Variants in RPA3 observed in about 807,000 individuals in gnomAD.
RPA3 encodes replication protein A3, also known as replication protein A 14 kDa subunit.
RPA3 carries 24 observed loss-of-function variants against 13.7 expected under a neutral mutation model. The observed-to-expected ratio is 1.75, with a 90% CI of 1.27 to 2.46. The LOEUF (loss-of-function observed/expected upper bound fraction) is 2.46, where lower values mean the gene tolerates loss of function less well. Ranked by LOEUF, RPA3 falls within the 30% of genes most tolerant of loss-of-function variation. RPA3 has a pLI of 0.00. For missense variants in RPA3, 183 were observed against 151.0 expected, an observed-to-expected ratio of 1.21 and a Z score of -1.11; for synonymous variants, 59 against 51.2, an observed-to-expected ratio of 1.15 and a Z score of -0.65.
chr7:7,649,294 G>T (rs938723482), intron 4 of RPA3, among the ~76,000 whole-genome samples: 3 of 152,142 alleles, frequency 2.0e-5, no homozygotes, highest in Admixed American at 6.5e-5. Flanking sequence ...AAGACAGAAA[G>T]GCAAGAGACC....
chr7:7,703,427 C>T (rs1046119986), intron 2 of RPA3, among the ~76,000 whole-genome samples: 6 of 152,164 alleles, frequency 3.9e-5, no homozygotes, highest in African/African-American at 1.4e-4. Flanking sequence ...TTTGTGAGTG[C>T]TCTAATTTCT....
intron 2 of RPA3, among the ~76,000 whole-genome samples, chr7:7,708,952 G>GGAGA (rs1027213456): frequency 6.6e-5 from 10 of 151,188 alleles, no homozygotes; most frequent in South Asian, 6.3e-4. Context: ...AGAGAGAGAG[G>GGAGA]GAGAGAGAGA....
chr7:7,680,396 A>G (rs1246545216), intron 4 of RPA3, among the ~76,000 whole-genome samples: 1 of 152,050 alleles, frequency 6.6e-6, no homozygotes, highest in African/African-American at 2.4e-5. Context: ...CCATTCGTCC[A>G]TGTGTCTGTT....
chr7:7,664,413 A>C (rs777990175), intron 4 of RPA3, among the ~76,000 whole-genome samples: 61 of 152,310 alleles, frequency 4.0e-4, no homozygotes, highest in Non-Finnish European at 5.7e-4. Context: ...CAGACTGCCC[A>C]GTAATGTCCA....
chr7:7,676,955 C>CAT (rs1029581838), intron 4 of RPA3, among the ~76,000 whole-genome samples: 1 of 152,042 alleles, frequency 6.6e-6, no homozygotes, highest in Non-Finnish European at 1.5e-5. Flanking sequence ...TCTATACTGA[C>CAT]ATATATAATA....
At chr7:7,665,710 A>G (rs1218303214) in intron 4 of RPA3, among the ~76,000 whole-genome samples, 2 of 151,954 alleles carry the variant, frequency 1.3e-5, no homozygotes, top group African/African-American at 4.8e-5. Context: ...TCCCCTCCCC[A>G]GGCAACCTCT....
intron 4 of RPA3, among the ~76,000 whole-genome samples, chr7:7,671,911 T>C (rs1413019592): frequency 6.6e-6 from 1 of 152,200 alleles, no homozygotes; most frequent in African/African-American, 2.4e-5. Context: ...ACATGACTTG[T>C]GTTTTTCTTC....
chr7:7,662,626 C>T (rs1387318179), intron 4 of RPA3, among the ~76,000 whole-genome samples: 2 of 152,126 alleles, frequency 1.3e-5, no homozygotes, highest in East Asian at 1.9e-4. Flanking sequence ...TGTTTCTGTT[C>T]GCCCTCCTTG....
intron 4 of RPA3, among the ~76,000 whole-genome samples, chr7:7,657,654 C>G (rs1785375026): frequency 6.6e-6 from 1 of 152,076 alleles, no homozygotes; most frequent in South Asian, 2.1e-4. Context: ...GGGCTCTGTT[C>G]TGTTCCATTG....
At chr7:7,660,113 C>T (rs867109789) in intron 4 of RPA3, among the ~76,000 whole-genome samples, 4 of 152,100 alleles carry the variant, frequency 2.6e-5, no homozygotes, top group Non-Finnish European at 4.4e-5. Flanking sequence ...TCAGAGACTA[C>T]GATTGCAAAC....
At chr7:7,703,231 A>T (rs1200884018) in intron 2 of RPA3, among the ~76,000 whole-genome samples, 2 of 152,210 alleles carry the variant, frequency 1.3e-5, no homozygotes, top group Admixed American at 6.5e-5. Context: ...CTGAGATTTT[A>T]AAAATGTGCT....
intron 1 of RPA3, among the ~76,000 whole-genome samples, chr7:7,715,467 A>C (rs1780878171): frequency 6.6e-6 from 1 of 152,208 alleles, no homozygotes; most frequent in East Asian, 1.9e-4. Context: ...TTATTTCAAT[A>C]ATTAATGCTT....
intron 2 of RPA3, among the ~76,000 whole-genome samples, chr7:7,705,142 A>G (rs140291414): frequency 5.9e-5 from 9 of 152,300 alleles, no homozygotes; most frequent in Admixed American, 3.9e-4. Flanking sequence ...TGAACTTTTT[A>G]TGCAATGATG....
At position 7,709,559 on chromosome 7, in the gene RPA3, G is replaced by T. The variant is rs1780696425; in HGVS notation, c.-1028+5616C>A. 1.3e-5 allele frequency among the ~76,000 whole-genome samples: 2 copies of T among 152,356 alleles called. 1 individual carries two copies. The highest frequency in any genetic ancestry group is 4.1e-4 in the South Asian group (2 of 4,830). ...AAAGTCAGGCGCTGAGCCTGCAAGG[G>T]CAAAATGAGGCTTGTGGGATAAGAA... On this transcript the variant is annotated intron_variant, in intron 2 of 7. Coordinates refer to ENST00000223129, the MANE Select transcript of RPA3 (RefSeq NM_002947.5).
At chr7:7,673,070 G>C (rs1779646585) in intron 4 of RPA3, among the ~76,000 whole-genome samples, 1 of 152,132 alleles carries the variant, frequency 6.6e-6, no homozygotes, top group East Asian at 1.9e-4. Flanking sequence ...GTTATTTTCT[G>C]AATCTTCAGA....
chr7:7,670,313 T>C (rs1287302327), intron 4 of RPA3, among the ~76,000 whole-genome samples: 2 of 152,194 alleles, frequency 1.3e-5, no homozygotes, highest in African/African-American at 4.8e-5. Flanking sequence ...AAGACTGTTA[T>C]TCATATGTTA....
intron 4 of RPA3, among the ~76,000 whole-genome samples, chr7:7,685,262 C>A (rs936755929): frequency 1.3e-5 from 2 of 151,482 alleles, no homozygotes; most frequent in Non-Finnish European, 2.9e-5. Context: ...TCATTGCATG[C>A]AACCAATGCA....
chr7:7,688,236 C>G (rs990373159), intron 2 of RPA3, among the ~76,000 whole-genome samples: 5 of 152,130 alleles, frequency 3.3e-5, no homozygotes, highest in African/African-American at 1.2e-4. Flanking sequence ...CTTTGGTTTA[C>G]TAGCTCCTTG....
chr7:7,700,402 G>A (rs1034958914), intron 2 of RPA3, among the ~76,000 whole-genome samples: 1 of 152,070 alleles, frequency 6.6e-6, no homozygotes, highest in African/African-American at 2.4e-5. Flanking sequence ...TCAGTGTAGA[G>A]AAAACACCTG....
Sources: gnomAD v4.1 joint callset for allele counts (sites outside exome capture counted in the v4.1 genomes callset) on GRCh38, gnomAD v4.1.1 for gene constraint, MANE v1.5 for transcripts, NCBI Gene and HGNC (gene_info 2026-07-23, HGNC 2026-07-21) for gene names.